Variants in EXOC4 observed in about 807,000 individuals in gnomAD.
EXOC4 encodes SEC8-like 1.
A neutral mutation model predicts 107.2 loss-of-function variants in EXOC4; 71 were observed. The ratio of observed to expected loss-of-function variants is 0.66; its 90% CI spans 0.55 to 0.81. The LOEUF (loss-of-function observed/expected upper bound fraction) is 0.81, where lower values mean the gene tolerates loss of function less well. EXOC4 is among the 30% of genes least tolerant of loss of function. The probability of loss-of-function intolerance (pLI) is 0.00; values close to 1 mark genes in which losing one functional copy is unlikely to be tolerated. For synonymous variants in EXOC4, 456 were observed against 441.2 expected (o/e 1.03, Z -0.42); for missense variants, 1,108 against 1,189.6 (o/e 0.93, Z 1.01).
intron 14 of EXOC4, among the ~76,000 whole-genome samples, chr7:133,966,647 A>G (rs1228284578): frequency 6.6e-6 from 1 of 152,190 alleles, no homozygotes; most frequent in Non-Finnish European, 1.5e-5. Flanking sequence ...GCGTATGTTG[A>G]ACCAGCCTTG....
intron 11 of EXOC4, among the ~76,000 whole-genome samples, chr7:133,880,979 TC>T (rs1399565909): frequency 1.3e-5 from 2 of 152,220 alleles, no homozygotes; most frequent in African/African-American, 2.4e-5. Flanking sequence ...TCTGCCTAAC[TC>T]TTTAGCCTGA....
At chr7:133,330,555 A>G (rs919173243) in intron 5 of EXOC4, among the ~76,000 whole-genome samples, 5 of 152,090 alleles carry the variant, frequency 3.3e-5, no homozygotes, top group African/African-American at 1.2e-4. Context: ...CTGGTGGTGT[A>G]GGCACTGGAG....
At chr7:133,504,681 T>C (rs777767008) in intron 9 of EXOC4, among the ~76,000 whole-genome samples, 3 of 152,140 alleles carry the variant, frequency 2.0e-5, no homozygotes, top group Non-Finnish European at 2.9e-5. Context: ...AATTAATCTT[T>C]AATAGTGATC....
At chr7:133,694,080 A>G (rs377680379) in intron 10 of EXOC4, among the ~76,000 whole-genome samples, 89 of 152,186 alleles carry the variant, frequency 5.8e-4, no homozygotes, top group African/African-American at 2.0e-3. Flanking sequence ...CCTGGCCAAC[A>G]TGGTGAAACC....
At chr7:133,622,880 T>C (rs937411046) in intron 9 of EXOC4, among the ~76,000 whole-genome samples, 3 of 152,192 alleles carry the variant, frequency 2.0e-5, no homozygotes, top group East Asian at 3.8e-4. Flanking sequence ...TTGTAGGATA[T>C]ATAGTTGAAA....
chr7:133,860,593 T>C (rs1798513004), intron 11 of EXOC4, among the ~76,000 whole-genome samples: 1 of 152,244 alleles, frequency 6.6e-6, no homozygotes, highest in Non-Finnish European at 1.5e-5. Flanking sequence ...AGTTTTTATT[T>C]ATTTTAGAGA....
intron 10 of EXOC4, among the ~76,000 whole-genome samples, chr7:133,730,839 C>G (rs1453834703): frequency 6.6e-6 from 1 of 152,134 alleles, no homozygotes; most frequent in Non-Finnish European, 1.5e-5. Flanking sequence ...CAGATAAACA[C>G]AAGTATGGTG....
At chr7:133,357,073 G>A (rs1025886969) in intron 6 of EXOC4, among the ~76,000 whole-genome samples, 2 of 152,144 alleles carry the variant, frequency 1.3e-5, no homozygotes, top group Admixed American at 1.3e-4. Flanking sequence ...TAATGTTGTT[G>A]AAAAATTCAA....
chr7:133,295,185 A>C (rs148568626), intron 3 of EXOC4, among the ~76,000 whole-genome samples: 15 of 152,214 alleles, frequency 9.9e-5, no homozygotes, highest in Non-Finnish European at 2.1e-4. Context: ...GGGTTGGATT[A>C]AGCAGTTTTG....
chr7:133,422,285 A>T lies in EXOC4; in HGVS notation c.1182+47283A>T, dbSNP rs548625304. Among the ~76,000 whole-genome samples the T allele has an allele frequency of 3.0e-3, 464 of 152,316 alleles. 4 individuals carry two copies. Among genetic ancestry groups the T allele is most frequent in the African/African-American group, 0.011 (438 of 41,576 alleles). On this transcript the variant is annotated intron_variant, in intron 7 of 17. Transcript: ENST00000253861. ...ACAGAAGTTTAAATCGGAGATTTTT[A>T]AAAAACTCGCTTAGTGAAGTTATTT...
intron 7 of EXOC4, among the ~76,000 whole-genome samples, chr7:133,389,096 G>A (rs1457691751): frequency 2.6e-5 from 4 of 152,092 alleles, no homozygotes; most frequent in Non-Finnish European, 5.9e-5. Context: ...TGGTTTGTCT[G>A]GCAGCAGTGT....
At chr7:133,728,312 C>T (rs1249241214) in intron 10 of EXOC4, among the ~76,000 whole-genome samples, 1 of 152,150 alleles carries the variant, frequency 6.6e-6, no homozygotes, top group African/African-American at 2.4e-5. Context: ...GCTAGGGAGC[C>T]ATCTTGAAAG....
intron 10 of EXOC4, among the ~76,000 whole-genome samples, chr7:133,775,266 A>T (rs1300566463): frequency 1.3e-5 from 2 of 152,182 alleles, no homozygotes; most frequent in African/African-American, 4.8e-5. Context: ...AGAAATCAAC[A>T]TGCATGAAAT....
At chr7:133,620,532 A>G (rs1802304637) in intron 9 of EXOC4, among the ~76,000 whole-genome samples, 1 of 152,168 alleles carries the variant, frequency 6.6e-6, no homozygotes, top group African/African-American at 2.4e-5. Context: ...AGCATTATTT[A>G]ATCCAAACAG....
At chr7:133,342,054 G>A (rs1795673781) in intron 5 of EXOC4, among the ~76,000 whole-genome samples, 1 of 151,694 alleles carries the variant, frequency 6.6e-6, no homozygotes, top group South Asian at 2.1e-4. Flanking sequence ...TGAGATGTGA[G>A]GTACTGTTCT....
intron 17 of EXOC4, among the ~76,000 whole-genome samples, chr7:134,038,152 A>T (rs1795434706): frequency 6.6e-6 from 1 of 152,340 alleles, no homozygotes; most frequent in Admixed American, 6.5e-5. Context: ...TATCGATTGT[A>T]TAAGGATTAG....
chr7:134,057,257 T>G (rs6467515), intron 17 of EXOC4, among the ~76,000 whole-genome samples: 105,937 of 151,982 alleles, frequency 0.7, 38,193 homozygotes, highest in African/African-American at 0.88. Flanking sequence ...ATGATTTTCT[T>G]CTGCCACCAG....
At chr7:133,841,755 A>G (rs553952364) in intron 11 of EXOC4, among the ~76,000 whole-genome samples, 8 of 152,186 alleles carry the variant, frequency 5.3e-5, no homozygotes, top group Non-Finnish European at 7.3e-5. Flanking sequence ...AGATTATTTC[A>G]TCACCCACAT....
At chr7:133,734,009 A>G (rs1795385999) in intron 10 of EXOC4, among the ~76,000 whole-genome samples, 1 of 152,376 alleles carries the variant, frequency 6.6e-6, no homozygotes, top group Middle Eastern at 3.4e-3. Context: ...TAAAAGGGCT[A>G]TTTTACCAAC....
Sources: allele counts gnomAD v4.1 joint callset (sites outside exome capture counted in the v4.1 genomes callset), GRCh38; gene constraint gnomAD v4.1.1; transcripts MANE v1.5; gene names NCBI Gene and HGNC (gene_info 2026-07-23, HGNC 2026-07-21).